The following ZC3H7A variants were observed in gnomAD, a reference collection of about 807,000 sequenced individuals.
The protein encoded by ZC3H7A is zinc finger CCCH-type containing 7A, also known as zinc finger CCCH domain-containing protein 7A.
Under a neutral mutation model 125.5 loss-of-function variants are expected in ZC3H7A, and 44 were observed. That is an observed-to-expected ratio of 0.35 (90% CI 0.28 to 0.45). ZC3H7A has a LOEUF of 0.45. ZC3H7A is among the 20% of genes least tolerant of loss of function. The pLI is 1.00. For synonymous variants in ZC3H7A, 399 were observed against 391.2 expected (o/e 1.02, Z -0.23); for missense variants, 977 against 1,170.7 (o/e 0.83, Z 2.41).
chr16:11,760,962 G>A (rs552139014), intron 19 of ZC3H7A, among the ~76,000 whole-genome samples: 20 of 152,166 alleles, frequency 1.3e-4, no homozygotes, highest in Non-Finnish European at 2.4e-4. Context: ...GTCTTATAAA[G>A]TTAGGTGTCT....
At position 11,765,018 on chromosome 16, in the gene ZC3H7A, T is replaced by C. The variant is rs2052830629; in HGVS notation, c.1820+35A>G. The C allele has an allele frequency of 7.2e-7, 1 of 1,392,172 alleles. No homozygotes were observed. 86.2% of individuals were successfully genotyped at this position (1,392,172 alleles called of 1,614,324 possible). On this transcript the variant is annotated intron_variant, in intron 15 of 22. Transcript: ENST00000355758. The surrounding 1 kb of genome is among the most constrained non-coding windows in gnomAD (Gnocchi z 4.8). Reference sequence around the variant, plus strand: ...ATTCAGATCTAGAAAAAGAATCTATTTTGTCATTACAGAAATTAGAAACTA... The same window carrying C: ...ATTCAGATCTAGAAAAAGAATCTATCTTGTCATTACAGAAATTAGAAACTA...
At chr16:11,773,290 T>C (rs1334217704) in intron 9 of ZC3H7A, among the ~76,000 whole-genome samples, 3 of 151,896 alleles carry the variant, frequency 2.0e-5, no homozygotes, top group Admixed American at 6.6e-5. Context: ...AGTGATCCTC[T>C]ACCCTCAGCC....
intron 1 of ZC3H7A, among the ~76,000 whole-genome samples, chr16:11,788,496 C>T (rs971837601): frequency 2.6e-4 from 40 of 152,336 alleles, no homozygotes; most frequent in East Asian, 7.7e-4. Flanking sequence ...GTCTCCTTCC[C>T]ATCCTATCAC....
In ZC3H7A at chr16:11,756,312, A is replaced by T; in HGVS notation, c.2487T>A (p.Ser829Arg). Reference protein sequence around the residue: ...LWLKSQKNEKSEDIASQSNKE... With the variant: ...LWLKSQKNEKREDIASQSNKE... ...TGTTTGACTGACTGGCTATGTCTTC[A>T]CTTTTTTCATTTTTTTGACTCTTGA... Residue 829 changes from serine to arginine, a missense_variant, in exon 21 of 23, where the codon AGT (serine) becomes AGA (arginine). Ser to Arg is a moderately radical substitution (Grantham distance 110, BLOSUM62 -1). This residue lies in a region of ZC3H7A where 436 missense variants were observed against 603.2 expected (regional missense o/e 0.72). Coordinates refer to ENST00000355758, the MANE Select transcript of ZC3H7A (RefSeq NM_014153.4). The T allele has an allele frequency of 6.2e-7, 1 of 1,614,050 alleles. No individual in the cohort carries two copies. Among genetic ancestry groups the T allele is most frequent in the South Asian group, 1.1e-5 (1 of 91,068 alleles).
intron 1 of ZC3H7A, among the ~76,000 whole-genome samples, chr16:11,792,197 G>A (rs1210418756): frequency 6.6e-6 from 1 of 152,170 alleles, no homozygotes; most frequent in Non-Finnish European, 1.5e-5. Context: ...CGTGACCTGT[G>A]TCTGGCCCAA....
At chr16:11,763,102 A>C (rs1195321839) in intron 16 of ZC3H7A, 3 of 262,186 alleles carry the variant, frequency 1.1e-5, no homozygotes, top group Non-Finnish European at 1.4e-5. Flanking sequence ...GAGGTCTCCA[A>C]ATTCCTTTTT....
Position 11,769,070 on chromosome 16 carries a change from C to G in ZC3H7A, c.1134G>C (p.Glu378Asp), listed in dbSNP as rs1019952627. The G allele has an allele frequency of 6.2e-7, 1 of 1,609,952 alleles. No individual in the cohort carries two copies. Among genetic ancestry groups the G allele is most frequent in the South Asian group, 1.1e-5 (1 of 90,238 alleles). The change falls in exon 11 of 23, where the codon GAG (glutamate) becomes GAC (aspartate). Residue 378 changes from glutamate (E) to aspartate (D), a missense_variant. By Grantham distance (45) the Glu-to-Asp change is conservative. Transcript: ENST00000355758. Reference sequence around the variant, plus strand: ...AATTACTGTTGTTAAGCGGTGTTCCCTCTCTAGAAGTTGAGGTGGACAGAT... The same window carrying G: ...AATTACTGTTGTTAAGCGGTGTTCCGTCTCTAGAAGTTGAGGTGGACAGAT... Reference protein sequence around the residue: ...KRDLSTSTSREGTPLNNSNSS... With the variant: ...KRDLSTSTSRDGTPLNNSNSS...
At chr16:11,756,449 C>T in intron 20 of ZC3H7A, 79 bp from the exon 21 acceptor site, 2 of 1,551,036 alleles carry the variant, frequency 1.3e-6, no homozygotes, top group South Asian at 2.5e-5. Flanking sequence ...TATTTTGTAG[C>T]AGTCAGCATA....
intron 9 of ZC3H7A, among the ~76,000 whole-genome samples, chr16:11,773,071 T>A (rs1442554179): frequency 6.6e-6 from 1 of 151,924 alleles, no homozygotes; most frequent in African/African-American, 2.4e-5. Flanking sequence ...AGGACTCAAC[T>A]ATGCTGTTGC....
Position 11,774,329 on chromosome 16 carries a change from C to T in ZC3H7A, c.810G>A (p.Met270Ile). The T allele has an allele frequency of 6.2e-7, 1 of 1,613,994 alleles. No individual in the cohort carries two copies. Among genetic ancestry groups the T allele is most frequent in the Non-Finnish European group, 8.5e-7 (1 of 1,179,934 alleles). ...LANGGKMPFT[M>I]PEAFLDDGDM... ...CTCCATCATCTAGAAAAGCTTCTGG[C>T]ATAGTGAAGGGCATCTTTCCTCCAT... is the stretch of plus-strand genomic sequence containing the variant. The change falls in exon 9 of 23, where the codon ATG becomes ATA. Residue 270 changes from methionine to isoleucine, a missense_variant. By Grantham distance (10) the Met-to-Ile change is conservative. Transcript: ENST00000355758.
At chr16:11,771,983 A>G (rs1238892209) in intron 9 of ZC3H7A, among the ~76,000 whole-genome samples, 1 of 151,868 alleles carries the variant, frequency 6.6e-6, no homozygotes, top group African/African-American at 2.4e-5. Flanking sequence ...TCACGAGGTC[A>G]GGTGTTCAAG....
At chr16:11,782,413 C>T in intron 1 of ZC3H7A, 25 bp from the exon 2 acceptor site, 3 of 1,600,602 alleles carry the variant, frequency 1.9e-6, no homozygotes, top group Non-Finnish European at 2.6e-6. Flanking sequence ...GGCAAAAAAG[C>T]ACATAAGGTA....
Position 11,789,378 on chromosome 16 carries a change from C to T in ZC3H7A, c.-34-6990G>A, listed in dbSNP as rs948269868. Among the ~76,000 whole-genome samples, 12 of 152,196 alleles carry T rather than the reference C, an allele frequency of 7.9e-5. No homozygotes were observed. In the East Asian group the frequency reaches 1.5e-3, roughly 20 times the overall value. On this transcript the variant is annotated intron_variant, in intron 1 of 22. Transcript: ENST00000355758. ...CAAGCAATTCTACTGCCTCAGCCTC[C>T]CAAGTAGCTGGGATTACAGGCGCAC...
At chr16:11,783,933 G>A (rs1413257740) in intron 1 of ZC3H7A, among the ~76,000 whole-genome samples, 1 of 151,874 alleles carries the variant, frequency 6.6e-6, no homozygotes, top group Non-Finnish European at 1.5e-5. Context: ...ACATGGGAAA[G>A]GATATGACAT....
intron 1 of ZC3H7A, among the ~76,000 whole-genome samples, chr16:11,790,926 C>A (rs1024333212): frequency 2.1e-4 from 32 of 151,506 alleles, no homozygotes; most frequent in African/African-American, 7.0e-4. Flanking sequence ...AAAAATCAGC[C>A]CAGACTGGTG....
Position 11,767,523 on chromosome 16 carries a change from T to C in ZC3H7A, c.1416A>G (p.Lys472=), listed in dbSNP as rs1180533563. The C allele has an allele frequency of 1.2e-6, 2 of 1,612,378 alleles. No homozygotes were observed. Among genetic ancestry groups the C allele is most frequent in the Admixed American group, 3.3e-5 (2 of 59,766 alleles). ...TCTTTATCCTACCGATTAAAATATCTTTCTTACACTTATGATCTATGTTAG... is the reference window on the plus strand; with the variant it reads ...TCTTTATCCTACCGATTAAAATATCCTTCTTACACTTATGATCTATGTTAG... ...YHANIDHKCK[K]DILIGRIKNV... is the part of the protein sequence containing the mutation. The change falls in exon 13 of 23, where the codon AAA becomes AAG. Residue 472 remains lysine (K), a synonymous_variant. Coordinates refer to ENST00000355758, the MANE Select transcript of ZC3H7A (RefSeq NM_014153.4).
Position 11,776,335 on chromosome 16 carries a change from C to G in ZC3H7A, c.570G>C (p.Gly190=). 6.2e-7 allele frequency: 1 copy of G among 1,608,594 alleles called. No homozygotes were observed. The highest frequency in any genetic ancestry group is 8.5e-7 in the Non-Finnish European group (1 of 1,178,756). The stretch of plus-strand genomic sequence containing the variant: ...ATAACTTTACCTTGGTAGCCCCATC[C>G]CCAGGAACTGATTTTAATGAGAGCT... ...RAELSLKSVP[G]DGATKALNHS... The change falls in exon 7 of 23, where the codon GGG becomes GGC. Residue 190 remains glycine (G), a synonymous_variant. Transcript: ENST00000355758.
chr16:11,782,313 G>A lies in ZC3H7A; in HGVS notation c.42C>T (p.Asn14=). Residue 14 remains asparagine (N), a synonymous_variant, in exon 2 of 23, where the codon AAC becomes AAT. Coordinates refer to ENST00000355758, the MANE Select transcript of ZC3H7A (RefSeq NM_014153.4). ...GTATAAACTGCAGTCCTTCCTTAAT[G>A]TTCTGCTGCCTTTTTCTTCTCTCCT... ...VSEERRKRQQ[N]IKEGLQFIQS... 6.2e-7 allele frequency: 1 copy of A among 1,614,174 alleles called. No homozygotes were observed. Among genetic ancestry groups the A allele is most frequent in the Non-Finnish European group, 8.5e-7 (1 of 1,180,028 alleles).
chr16:11,758,578 A>G, intron 19 of ZC3H7A, 39 bp from the exon 20 acceptor site: 3 of 1,445,518 alleles, frequency 2.1e-6, no homozygotes, highest in Non-Finnish European at 2.9e-6. Context: ...GACAAAGTAC[A>G]CCTAGTAAAA....
Sources: gnomAD v4.1 joint callset for allele counts (sites outside exome capture counted in the v4.1 genomes callset) on GRCh38, gnomAD v4.1.1 for gene constraint, gnomAD v4.1.1 regional missense constraint, Gnocchi (gnomAD v3.1) non-coding constraint, MANE v1.5 for transcripts, NCBI Gene and HGNC (gene_info 2026-07-23, HGNC 2026-07-21) for gene names.